Variants in EIF4G3 observed in about 807,000 individuals in gnomAD.
EIF4G3 encodes eukaryotic translation initiation factor 4 gamma 3.
In EIF4G3, 34 loss-of-function variants were observed where a neutral mutation model predicts 186.4. That is an observed-to-expected ratio of 0.18 (90% CI 0.14 to 0.24). The LOEUF (loss-of-function observed/expected upper bound fraction) is 0.24. Among genes scored for constraint, EIF4G3 ranks in the 10% least tolerant of loss-of-function variants. The pLI is 1.00. For missense variants in EIF4G3, 1,536 were observed against 1,948.5 expected, an observed-to-expected ratio of 0.79 and a Z score of 3.99; for synonymous variants, 673 against 679.5, an observed-to-expected ratio of 0.99 and a Z score of 0.15.
At chr1:21,167,507 G>C (rs1303421851) in intron 2 of EIF4G3, among the ~76,000 whole-genome samples, 1 of 152,098 alleles carries the variant, frequency 6.6e-6, no homozygotes, top group Non-Finnish European at 1.5e-5. Context: ...TAGGTGCAGT[G>C]GCTCACGTCT....
chr1:20,852,447 T>C (rs2073633773), intron 27 of EIF4G3, among the ~76,000 whole-genome samples: 1 of 152,218 alleles, frequency 6.6e-6, no homozygotes, highest in African/African-American at 2.4e-5. Context: ...CAATGATACC[T>C]TTTTATTTAG....
At chr1:20,854,301 T>C (rs1353950580) in intron 26 of EIF4G3, among the ~76,000 whole-genome samples, 1 of 152,164 alleles carries the variant, frequency 6.6e-6, no homozygotes, top group African/African-American at 2.4e-5. Context: ...CATATTAAGA[T>C]TCTTTTATCA....
intron 18 of EIF4G3, among the ~76,000 whole-genome samples, chr1:20,891,789 CAAA>C (rs59789920): frequency 1.0e-5 from 1 of 99,884 alleles, no homozygotes. Context: ...CACTCTGTCT[CAAA>C]AAAAAAAAAA....
chr1:21,120,855 T>G (rs2096913862), intron 2 of EIF4G3, among the ~76,000 whole-genome samples: 2 of 152,174 alleles, frequency 1.3e-5, no homozygotes, highest in Non-Finnish European at 2.9e-5. Flanking sequence ...TTTACTAGCT[T>G]CCTAAGGAAT....
chr1:20,997,385 T>A (rs1031185388), intron 7 of EIF4G3, among the ~76,000 whole-genome samples: 4 of 152,242 alleles, frequency 2.6e-5, no homozygotes, highest in Non-Finnish European at 4.4e-5. Flanking sequence ...TAGCATTTTT[T>A]AAATGTGCCA....
chr1:20,973,092 A>C lies in EIF4G3; in HGVS notation c.501T>G (p.Pro167=). The C allele has an allele frequency of 6.2e-7, 1 of 1,608,252 alleles. No homozygotes were observed. ...PGDFPNAYGT[P]FYPSQPVYQS... ...GATACACCGGCTGACTTGGGTAAAAAGGCGTTCCTAAAAAGTTGGAAAAAA... is the reference window on the plus strand; with the variant it reads ...GATACACCGGCTGACTTGGGTAAAACGGCGTTCCTAAAAAGTTGGAAAAAA... The change falls in exon 11 of 37, where the codon CCT becomes CCG. Residue 167 remains proline, a synonymous_variant. Coordinates refer to ENST00000602326, the MANE Select transcript of EIF4G3 (RefSeq NM_001391906.1).
intron 12 of EIF4G3, among the ~76,000 whole-genome samples, chr1:20,960,398 G>A (rs546375269): frequency 2.6e-5 from 4 of 152,036 alleles, no homozygotes; most frequent in South Asian, 2.1e-4. Flanking sequence ...CCCAGGAGGC[G>A]GAGGTTGCAG....
intron 14 of EIF4G3, among the ~76,000 whole-genome samples, chr1:20,926,072 A>G (rs1339418532): frequency 1.3e-5 from 2 of 152,220 alleles, no homozygotes; most frequent in South Asian, 2.1e-4. Flanking sequence ...TCATATAAAA[A>G]TATCTTATTT....
chr1:20,941,890 A>G lies in EIF4G3; in HGVS notation c.1264T>C (p.Leu422=), dbSNP rs772313223. 9 of 1,614,068 alleles carry G rather than the reference A, an allele frequency of 5.6e-6. No individual in the cohort carries two copies. Among genetic ancestry groups the G allele is most frequent in the Admixed American group, 5.0e-5 (3 of 60,010 alleles). The change falls in exon 14 of 37, where the codon TTA becomes CTA. Residue 422 remains leucine, a synonymous_variant. Coordinates refer to ENST00000602326, the MANE Select transcript of EIF4G3 (RefSeq NM_001391906.1). ...TCCACAATGCTCTCCGTGGCTGATAATTTTTCGCTAACTCCATTTATTTCA... is the reference window on the plus strand; with the variant it reads ...TCCACAATGCTCTCCGTGGCTGATAGTTTTTCGCTAACTCCATTTATTTCA... ...INEINGVSEK[L]SATESIVEIV... is the part of the protein sequence containing the mutation.
intron 7 of EIF4G3, chr1:20,988,202 T>C (rs986531921): frequency 6.0e-6 from 1 of 166,536 alleles, no homozygotes; most frequent in African/African-American, 2.4e-5. Context: ...AACATGAAAG[T>C]GCAAGGTGAA....
intron 4 of EIF4G3, among the ~76,000 whole-genome samples, chr1:21,011,238 A>G (rs75213027): frequency 6.6e-6 from 1 of 151,820 alleles, no homozygotes; most frequent in African/African-American, 2.4e-5. Context: ...GAAAAAAAAA[A>G]GCCAGTTCTT....
chr1:21,164,722 T>C (rs2097826781), intron 2 of EIF4G3, among the ~76,000 whole-genome samples: 1 of 151,914 alleles, frequency 6.6e-6, no homozygotes, highest in African/African-American at 2.4e-5. Context: ...TAGCTGGGTG[T>C]AGTGGCGCAC....
chr1:20,980,032 C>A (rs2077635620), intron 10 of EIF4G3, among the ~76,000 whole-genome samples: 1 of 152,090 alleles, frequency 6.6e-6, no homozygotes, highest in Non-Finnish European at 1.5e-5. Context: ...GCCACCGCGC[C>A]CAGCCAAAAA....
intron 2 of EIF4G3, among the ~76,000 whole-genome samples, chr1:21,128,684 T>A (rs1162047178): frequency 1.3e-5 from 2 of 152,208 alleles, no homozygotes; most frequent in African/African-American, 4.8e-5. Flanking sequence ...ATCTCTATTC[T>A]TATTAATATT....
At chr1:20,903,226 T>A (rs1346260842) in intron 15 of EIF4G3, among the ~76,000 whole-genome samples, 1 of 152,218 alleles carries the variant, frequency 6.6e-6, no homozygotes, top group East Asian at 1.9e-4. Context: ...CATTTACACA[T>A]TGTTGATGGC....
intron 30 of EIF4G3, among the ~76,000 whole-genome samples, chr1:20,836,424 T>A (rs910872024): frequency 6.6e-6 from 1 of 152,030 alleles, no homozygotes; most frequent in African/African-American, 2.4e-5. Flanking sequence ...TTTGTTAATT[T>A]TTTTTACAGA....
chr1:21,172,305 TTCCCCAGACTA>T, intron 2 of EIF4G3, among the ~76,000 whole-genome samples: 1 of 152,280 alleles, frequency 6.6e-6, no homozygotes, highest in East Asian at 1.9e-4. Context: ...TAATTCCTCC[TTCCCCAGACTA>T]CTCTCACAGC....
intron 2 of EIF4G3, among the ~76,000 whole-genome samples, chr1:21,124,178 C>A (rs1167212241): frequency 6.6e-6 from 1 of 151,928 alleles, no homozygotes; most frequent in East Asian, 1.9e-4. Context: ...GTAATCCGAG[C>A]TACTTGGGAG....
At chr1:20,906,267 C>G (rs1176691408) in intron 14 of EIF4G3, among the ~76,000 whole-genome samples, 1 of 152,128 alleles carries the variant, frequency 6.6e-6, no homozygotes, top group East Asian at 1.9e-4. Context: ...CTACTGAATA[C>G]ATATATTCAG....
Sources: allele counts gnomAD v4.1 joint callset (sites outside exome capture counted in the v4.1 genomes callset), GRCh38; gene constraint gnomAD v4.1.1; transcripts MANE v1.5; gene names NCBI Gene and HGNC (gene_info 2026-07-23, HGNC 2026-07-21).